The following AGAP1 variants were observed in gnomAD, a reference collection of about 807,000 sequenced individuals.
AGAP1 encodes the protein ArfGAP with GTPase domain, ankyrin repeat and PH domain 1.
Under a neutral mutation model 105.3 loss-of-function variants are expected in AGAP1, and 29 were observed. The ratio of observed to expected loss-of-function variants is 0.28; its 90% confidence interval spans 0.21 to 0.38. AGAP1 has a LOEUF of 0.38. AGAP1 is among the 10% of genes least tolerant of loss of function. The pLI, the probability that AGAP1 is intolerant of heterozygous loss-of-function variation, is 1.00. For missense variants in AGAP1, 998 were observed against 1,165.1 expected (o/e 0.86, Z 2.09); for synonymous variants, 509 against 485.9 (o/e 1.05, Z -0.63).
chr2:236,000,453 G>C lies in AGAP1; in HGVS notation c.1645+31830G>C, dbSNP rs2056067352. 1.3e-5 allele frequency among the ~76,000 whole-genome samples: 2 copies of C among 152,168 alleles called. No individual in the cohort carries two copies. Among genetic ancestry groups the C allele is most frequent in the African/African-American group, 4.8e-5 (2 of 41,442 alleles). ...AGCTCAAATAATAAACAGTTGTTCA[G>C]AGACAGTGGTACTGCGTCCCCCTCC... On this transcript the variant is annotated intron_variant, in intron 13 of 17. Coordinates refer to ENST00000304032, the MANE Select transcript of AGAP1 (RefSeq NM_001037131.3). The surrounding 1 kb of genome is among the most constrained non-coding windows in gnomAD (Gnocchi z 4.3).
Position 235,992,187 on chromosome 2 carries a change from C to T in AGAP1, c.1645+23564C>T, listed in dbSNP as rs529610209. Among the ~76,000 whole-genome samples, 63 of 151,714 alleles carry T rather than the reference C, an allele frequency of 4.2e-4. No homozygotes were observed. The highest frequency in any genetic ancestry group is 1.5e-3 in the African/African-American group (62 of 41,336). On this transcript the variant is annotated intron_variant, in intron 13 of 17. Coordinates refer to ENST00000304032, the MANE Select transcript of AGAP1 (RefSeq NM_001037131.3). The surrounding 1 kb of genome is among the most constrained non-coding windows in gnomAD (Gnocchi z 4.8). ...TGGGTCCGAGTTGCGTGGTTAGGAG[C>T]GCAGCGGAGGAGCCGGTCTTCCTGG...
chr2:235,863,584 A>G (rs1462328607), intron 9 of AGAP1, among the ~76,000 whole-genome samples: 2 of 152,196 alleles, frequency 1.3e-5, no homozygotes, highest in East Asian at 3.9e-4. Flanking sequence ...TCAGCTGACC[A>G]GGGGACAGAC....
At chr2:235,497,895 C>T (rs368137653) in intron 1 of AGAP1, among the ~76,000 whole-genome samples, 11 of 152,160 alleles carry the variant, frequency 7.2e-5, no homozygotes, top group South Asian at 2.1e-4. Context: ...CGTGCCCGGC[C>T]GGGCACTTCT....
intron 1 of AGAP1, among the ~76,000 whole-genome samples, chr2:235,598,531 A>C (rs191431695): frequency 5.3e-5 from 8 of 152,086 alleles, no homozygotes; most frequent in African/African-American, 1.7e-4. Context: ...GTTTCCAGGA[A>C]CCTATTGGTG....
rs1269101356 is a variant in AGAP1 at position 235,994,644 on chromosome 2, A to G, written c.1645+26021A>G. Among the ~76,000 whole-genome samples, 1 of 152,126 alleles carries G rather than the reference A, an allele frequency of 6.6e-6. No individual in the cohort carries two copies. The highest frequency in any genetic ancestry group is 1.5e-5 in the Non-Finnish European group (1 of 68,036). ...TCCCAACGCCTCGCAGCCCGATGAT[A>G]CAGAGACGGGGCAGCAGTGGAGAGC... On this transcript the variant is annotated intron_variant, in intron 13 of 17. Coordinates refer to ENST00000304032, the MANE Select transcript of AGAP1 (RefSeq NM_001037131.3). The surrounding 1 kb of genome is among the most constrained non-coding windows in gnomAD (Gnocchi z 4.4).
In AGAP1 at chr2:236,046,713, C is replaced by A. The variant is rs1227163550; in HGVS notation, c.1892-2346C>A. Among the ~76,000 whole-genome samples the A allele has an allele frequency of 6.6e-6, 1 of 152,144 alleles. No individual in the cohort carries two copies. Among genetic ancestry groups the A allele is most frequent in the Non-Finnish European group, 1.5e-5 (1 of 68,038 alleles). On this transcript the variant is annotated intron_variant, in intron 15 of 17. Coordinates refer to ENST00000304032, the MANE Select transcript of AGAP1 (RefSeq NM_001037131.3). The surrounding 1 kb of genome is among the most constrained non-coding windows in gnomAD (Gnocchi z 5.2). ...TTGGGTTGGCCTGAATAAGACTACA[C>A]AGTCAGAAGAGATGACCCCACAGGA...
At chr2:235,703,731 G>A (rs541773684) in intron 1 of AGAP1, among the ~76,000 whole-genome samples, 5 of 152,140 alleles carry the variant, frequency 3.3e-5, no homozygotes, top group African/African-American at 1.2e-4. Context: ...CAAGTACCTG[G>A]GATTACAGGC....
At position 235,789,823 on chromosome 2, in the gene AGAP1, T is replaced by A. The variant is rs148192810; in HGVS notation, c.674-7936T>A. ...GTTGAATCTTGGCCACAGCTTCTCA[T>A]TAGGCTTTCAGTGACAAGGAACCAA... On this transcript the variant is annotated intron_variant, in intron 6 of 17. Coordinates refer to ENST00000304032, the MANE Select transcript of AGAP1 (RefSeq NM_001037131.3). This position sits in a 1 kb window ranked among gnomAD's most constrained non-coding sequence, Gnocchi z 4.2. 3.1e-3 allele frequency among the ~76,000 whole-genome samples: 468 copies of A among 152,300 alleles called. 3 individuals carry two copies. Among genetic ancestry groups the A allele is most frequent in the African/African-American group, 0.011 (445 of 41,564 alleles).
At position 235,652,298 on chromosome 2, in the gene AGAP1, A is replaced by G. The variant is rs867647546; in HGVS notation, c.164-56881A>G. 2.6e-5 allele frequency among the ~76,000 whole-genome samples: 4 copies of G among 151,910 alleles called. No homozygotes were observed. In the South Asian group the frequency reaches 6.3e-4, roughly 24 times the overall value. ...AGGAGATGGCCATCTTAGTTATCTG[A>G]CCACTTTCCAGCCTTCAGCCACGCA... On this transcript the variant is annotated intron_variant, in intron 1 of 17. Transcript: ENST00000304032.
intron 15 of AGAP1, among the ~76,000 whole-genome samples, chr2:236,041,747 G>A (rs2057554983): frequency 6.6e-6 from 1 of 152,202 alleles, no homozygotes; most frequent in Non-Finnish European, 1.5e-5. Flanking sequence ...TGCATGGCGT[G>A]GTGGGTCCTG....
chr2:235,747,264 G>A lies in AGAP1; in HGVS notation c.538+2425G>A, dbSNP rs1953032578. ...TGCCAGGGTGGCTGCTTAGATTCTC[G>A]AGAAACCCTGATGAAGTTGAAGTCC... is the stretch of plus-strand genomic sequence containing the variant. On this transcript the variant is annotated intron_variant, in intron 5 of 17. Coordinates refer to ENST00000304032, the MANE Select transcript of AGAP1 (RefSeq NM_001037131.3). The surrounding 1 kb of genome is among the most constrained non-coding windows in gnomAD (Gnocchi z 5.0). Among the ~76,000 whole-genome samples, 1 of 152,062 alleles carries A rather than the reference G, an allele frequency of 6.6e-6. No individual in the cohort carries two copies. Among genetic ancestry groups the A allele is most frequent in the African/African-American group, 2.4e-5 (1 of 41,398 alleles).
At chr2:235,797,433 G>C (rs1160841593) in intron 6 of AGAP1, among the ~76,000 whole-genome samples, 2 of 152,002 alleles carry the variant, frequency 1.3e-5, no homozygotes, top group Non-Finnish European at 2.9e-5. Flanking sequence ...CAGGCAACAA[G>C]TAGGAAAAAC....
At chr2:235,838,935 T>G (rs956665806) in intron 9 of AGAP1, among the ~76,000 whole-genome samples, 2 of 152,240 alleles carry the variant, frequency 1.3e-5, no homozygotes, top group African/African-American at 4.8e-5. Flanking sequence ...GACTTTCTGG[T>G]GAAATGTTGC....
Position 235,734,348 on chromosome 2 carries a change from C to T in AGAP1, c.311-6615C>T, listed in dbSNP as rs956361265. On this transcript the variant is annotated intron_variant, in intron 3 of 17. Transcript: ENST00000304032. The surrounding 1 kb of genome is among the most constrained non-coding windows in gnomAD (Gnocchi z 5.3). ...CCCTTCCAGTCTGAACCCCACAGCG[C>T]TGGGCGGTTGACGAGGTGTGGCCAG... 2.0e-5 allele frequency among the ~76,000 whole-genome samples: 3 copies of T among 152,248 alleles called. No homozygotes were observed. In the East Asian group the frequency reaches 5.8e-4, roughly 29 times the overall value.
chr2:235,635,197 GA>G lies in AGAP1; in HGVS notation c.164-73981del, dbSNP rs1203598734. Among the ~76,000 whole-genome samples the G allele has an allele frequency of 6.6e-6, 1 of 152,132 alleles. No homozygotes were observed. The highest frequency in any genetic ancestry group is 2.4e-5 in the African/African-American group (1 of 41,436). Reference sequence around the variant, plus strand: ...TGAGTGTTGATGCCAGCCTTACCCTGACCCTGTGTGTGGCAGCAGTGGGTCG... The same window carrying G: ...TGAGTGTTGATGCCAGCCTTACCCTGCCCTGTGTGTGGCAGCAGTGGGTCG... On this transcript the variant is annotated intron_variant, in intron 1 of 17. Transcript: ENST00000304032. This position sits in a 1 kb window ranked among gnomAD's most constrained non-coding sequence, Gnocchi z 5.3.
rs894023086 is a variant in AGAP1 at position 236,105,670 on chromosome 2, G to A, written c.2115-14522G>A. 9.6e-4 allele frequency among the ~76,000 whole-genome samples: 56 copies of A among 58,552 alleles called. No homozygotes were observed. Among genetic ancestry groups the A allele is most frequent in the Admixed American group, 8.5e-3 (52 of 6,148 alleles). 38.4% of individuals were successfully genotyped at this position (58,552 alleles called of 152,430 possible). On this transcript the variant is annotated intron_variant, in intron 16 of 17. Transcript: ENST00000304032. The surrounding 1 kb of genome is among the most constrained non-coding windows in gnomAD (Gnocchi z 4.2). ...TCCCGGGTTCACACCATTCTCCCGC[G>A]TTCACGCCATTCTCCCGCGTTCACG...
At chr2:235,646,610 C>T (rs755190480) in intron 1 of AGAP1, among the ~76,000 whole-genome samples, 8 of 152,258 alleles carry the variant, frequency 5.3e-5, no homozygotes, top group Admixed American at 2.6e-4. Flanking sequence ...GTTGGTGTGT[C>T]GCTTCTCTCC....
At chr2:235,731,663 G>A (rs894419117) in intron 3 of AGAP1, among the ~76,000 whole-genome samples, 4 of 152,122 alleles carry the variant, frequency 2.6e-5, no homozygotes, top group Non-Finnish European at 4.4e-5. Context: ...AGTCATCATC[G>A]TAATGTAGCA....
intron 6 of AGAP1, among the ~76,000 whole-genome samples, chr2:235,795,257 C>A (rs114956230): frequency 0.014 from 2,157 of 152,228 alleles, 40 homozygotes; most frequent in African/African-American, 0.049. Flanking sequence ...TTTTTGCTTC[C>A]CCAAACAATT....
Sources: allele counts gnomAD v4.1 joint callset (sites outside exome capture counted in the v4.1 genomes callset), GRCh38; gene constraint gnomAD v4.1.1; non-coding constraint Gnocchi (gnomAD v3.1); transcripts MANE v1.5; gene names NCBI Gene and HGNC (gene_info 2026-07-23, HGNC 2026-07-21).